Variants in DLGAP2 observed in about 807,000 individuals in gnomAD.
DLGAP2 encodes the protein disks large-associated protein 2.
Under a neutral mutation model 100.3 loss-of-function variants are expected in DLGAP2, and 26 were observed. The ratio of observed to expected loss-of-function variants is 0.26; its 90% CI spans 0.19 to 0.36. DLGAP2 has a LOEUF of 0.36. Among genes scored for constraint, DLGAP2 ranks in the 10% least tolerant of loss-of-function variants. The pLI, the probability that DLGAP2 is intolerant of heterozygous loss-of-function variation, is 1.00. For missense variants in DLGAP2, 1,858 were observed against 1,453.2 expected, an observed-to-expected ratio of 1.28 and a Z score of -4.53; for synonymous variants, 886 against 630.1, an observed-to-expected ratio of 1.41 and a Z score of -6.08.
At chr8:1,314,754 G>A (rs1285166502) in intron 3 of DLGAP2, among the ~76,000 whole-genome samples, 1 of 152,188 alleles carries the variant, frequency 6.6e-6, no homozygotes, top group Non-Finnish European at 1.5e-5. Context: ...TCTCCCTATG[G>A]TGCCACTTCT....
intron 2 of DLGAP2, among the ~76,000 whole-genome samples, chr8:1,063,177 G>T (rs1165759109): frequency 6.6e-6 from 1 of 152,164 alleles, no homozygotes; most frequent in African/African-American, 2.4e-5. Flanking sequence ...CTGATACGCC[G>T]CAAAGTGCTG....
intron 4 of DLGAP2, among the ~76,000 whole-genome samples, chr8:1,515,162 C>G (rs992317106): frequency 6.6e-6 from 1 of 152,168 alleles, no homozygotes; most frequent in Non-Finnish European, 1.5e-5. Context: ...TGGAAGGCAG[C>G]CTTGGAAATC....
At chr8:1,213,335 G>A (rs1367191615) in intron 2 of DLGAP2, among the ~76,000 whole-genome samples, 1 of 152,134 alleles carries the variant, frequency 6.6e-6, no homozygotes, top group Admixed American at 6.5e-5. Context: ...ATCGAGTTTT[G>A]AAATTAAATT....
intron 3 of DLGAP2, among the ~76,000 whole-genome samples, chr8:1,311,009 G>T (rs1231097636): frequency 6.6e-6 from 1 of 150,624 alleles, no homozygotes; most frequent in Non-Finnish European, 1.5e-5. Flanking sequence ...TGATTGAAAA[G>T]ATCAAAATAT....
intron 2 of DLGAP2, among the ~76,000 whole-genome samples, chr8:1,198,787 G>T (rs762875459): frequency 6.6e-6 from 1 of 152,202 alleles, no homozygotes; most frequent in African/African-American, 2.4e-5. Context: ...CCTTTCCCTC[G>T]GGAGTGAGCC....
At chr8:1,648,136 G>A (rs1798085448) in intron 8 of DLGAP2, among the ~76,000 whole-genome samples, 1 of 152,206 alleles carries the variant, frequency 6.6e-6, no homozygotes. Flanking sequence ...ATGAGTGAGT[G>A]ATTTGAAAAT....
intron 3 of DLGAP2, among the ~76,000 whole-genome samples, chr8:1,430,428 G>A (rs75386919): frequency 3.5e-4 from 53 of 152,188 alleles, no homozygotes; most frequent in African/African-American, 1.2e-3. Flanking sequence ...CTTCAAGGTC[G>A]GTTTGATCAA....
intron 2 of DLGAP2, among the ~76,000 whole-genome samples, chr8:1,090,329 C>A (rs539650760): frequency 7.5e-6 from 1 of 132,854 alleles, no homozygotes; most frequent in African/African-American, 2.5e-5. Context: ...GGACCTGCTC[C>A]ATGTCTGCCC....
chr8:1,189,845 G>T (rs1014656840), intron 2 of DLGAP2, among the ~76,000 whole-genome samples: 8 of 152,218 alleles, frequency 5.3e-5, no homozygotes, highest in African/African-American at 1.9e-4. Context: ...GGCTGCTCCA[G>T]CAGGCAGGAG....
chr8:868,642 C>G (rs1307228721), intron 1 of DLGAP2, among the ~76,000 whole-genome samples: 1 of 152,230 alleles, frequency 6.6e-6, no homozygotes, highest in Non-Finnish European at 1.5e-5. Context: ...CTGGAGCATT[C>G]ATGTGCTCTT....
intron 2 of DLGAP2, among the ~76,000 whole-genome samples, chr8:1,175,179 A>T (rs1031691029): frequency 6.6e-6 from 1 of 152,090 alleles, no homozygotes; most frequent in Non-Finnish European, 1.5e-5. Flanking sequence ...CATTTCTGCT[A>T]TGGCCATAAA....
chr8:1,531,766 T>C (rs939329326), intron 4 of DLGAP2, among the ~76,000 whole-genome samples: 12 of 152,242 alleles, frequency 7.9e-5, no homozygotes, highest in African/African-American at 2.9e-4. Flanking sequence ...TTTCTCTCCT[T>C]GCATTGACTG....
chr8:794,215 C>T (rs148099695), intron 1 of DLGAP2, among the ~76,000 whole-genome samples: 49 of 152,130 alleles, frequency 3.2e-4, no homozygotes, highest in Middle Eastern at 3.4e-3. Flanking sequence ...TTTCTAGCTG[C>T]AGAATGGGGT....
chr8:1,283,464 T>C (rs894270180), intron 3 of DLGAP2, among the ~76,000 whole-genome samples: 2 of 152,252 alleles, frequency 1.3e-5, no homozygotes, highest in Non-Finnish European at 1.5e-5. Context: ...TAAAATAAAC[T>C]ACAAATGTAT....
chr8:1,566,261 G>T (rs753495102), intron 6 of DLGAP2, among the ~76,000 whole-genome samples: 4 of 152,152 alleles, frequency 2.6e-5, no homozygotes, highest in Non-Finnish European at 5.9e-5. Context: ...AGTAAAACTC[G>T]TTAACGGAAT....
intron 2 of DLGAP2, among the ~76,000 whole-genome samples, chr8:1,013,052 G>T (rs1363639364): frequency 3.3e-5 from 5 of 152,118 alleles, no homozygotes; most frequent in African/African-American, 1.2e-4. Context: ...AGATGCTGGG[G>T]TCTCCATGCT....
At chr8:1,159,855 G>C (rs1046605390) in intron 2 of DLGAP2, among the ~76,000 whole-genome samples, 3 of 152,226 alleles carry the variant, frequency 2.0e-5, no homozygotes, top group African/African-American at 7.2e-5. Flanking sequence ...CCGCAGGGGT[G>C]TCTGTCTACA....
intron 2 of DLGAP2, chr8:1,002,910 A>G (rs923476788): frequency 3.3e-5 from 5 of 152,236 alleles, no homozygotes; most frequent in African/African-American, 1.2e-4. Flanking sequence ...ACTAGAACCA[A>G]TAATCAGGTT....
chr8:1,439,652 C>G (rs1797770099), intron 3 of DLGAP2, among the ~76,000 whole-genome samples: 1 of 152,098 alleles, frequency 6.6e-6, no homozygotes, highest in Admixed American at 6.5e-5. Flanking sequence ...CGCAGAGAGA[C>G]AGGGTCTCGA....
Sources: allele counts gnomAD v4.1 joint callset (sites outside exome capture counted in the v4.1 genomes callset), GRCh38; gene constraint gnomAD v4.1.1; transcripts MANE v1.5; gene names NCBI Gene and HGNC (gene_info 2026-07-23, HGNC 2026-07-21).